DNAH3: variants seen among roughly 807,000 people sequenced by gnomAD.
The protein encoded by DNAH3 is axonemal beta dynein heavy chain 3.
A neutral mutation model predicts 432.5 loss-of-function variants in DNAH3; 332 were observed. The ratio of observed to expected loss-of-function variants is 0.77; its 90% CI spans 0.70 to 0.84. The LOEUF (loss-of-function observed/expected upper bound fraction) is 0.84. DNAH3 is among the 40% of genes least tolerant of loss of function. DNAH3 has a pLI of 0.00. For synonymous variants in DNAH3, 1,956 were observed against 1,900.2 expected (o/e 1.03, Z -0.76); for missense variants, 4,861 against 5,114.0 (o/e 0.95, Z 1.51).
intron 58 of DNAH3, among the ~76,000 whole-genome samples, 198 bp from the exon 59 acceptor site, chr16:20,941,741 C>T (rs1247879674): frequency 6.6e-6 from 1 of 152,150 alleles, no homozygotes; most frequent in African/African-American, 2.4e-5. Flanking sequence ...GGGAGGGCAT[C>T]GCCTCTTGGT....
intron 41 of DNAH3, among the ~76,000 whole-genome samples, chr16:21,006,256 A>G (rs532184340): frequency 9.2e-4 from 140 of 152,228 alleles, no homozygotes; most frequent in African/African-American, 3.2e-3. Flanking sequence ...TAATGGCATT[A>G]TTTTATTCCC....
chr16:20,978,909 C>T (rs1165534555), intron 50 of DNAH3, among the ~76,000 whole-genome samples: 1 of 151,930 alleles, frequency 6.6e-6, no homozygotes, highest in East Asian at 1.9e-4. Context: ...CCTGGCTCTA[C>T]AGCTGGTATG....
Position 21,098,574 on chromosome 16 carries a change from G to A in DNAH3, c.2520+42C>T, listed in dbSNP as rs1567787428. 1.9e-6 allele frequency: 3 copies of A among 1,580,894 alleles called. No individual in the cohort carries two copies. In the African/African-American group the frequency reaches 4.1e-5, roughly 22 times the overall value. ...TCACAACCAAGGATCAGAACCAATA[G>A]ACCAGTACAGTGTCATAAGTCCCCA... On this transcript the variant is annotated intron_variant, in intron 17 of 61. Transcript: ENST00000261383.
chr16:21,059,423 G>A (rs1305995266), intron 26 of DNAH3, among the ~76,000 whole-genome samples: 3 of 152,206 alleles, frequency 2.0e-5, no homozygotes, highest in Non-Finnish European at 4.4e-5. Context: ...GGACTTTAGT[G>A]TGAGGGTGTT....
intron 7 of DNAH3, 31 bp downstream of exon 8, chr16:21,134,228 G>T (rs1291978091): frequency 6.3e-7 from 1 of 1,594,278 alleles, no homozygotes; most frequent in East Asian, 2.2e-5. Flanking sequence ...GTCAAGAAAG[G>T]GAATGAAAAA....
intron 9 of DNAH3, among the ~76,000 whole-genome samples, chr16:21,124,437 G>A (rs1348821643): frequency 6.6e-6 from 1 of 152,038 alleles, no homozygotes; most frequent in African/African-American, 2.4e-5. Context: ...ATTATCTCAA[G>A]AAAGTTTGCC....
At chr16:20,971,221 C>G (rs780982889) in intron 51 of DNAH3, among the ~76,000 whole-genome samples, 6 of 151,580 alleles carry the variant, frequency 4.0e-5, no homozygotes, top group Non-Finnish European at 7.4e-5. Context: ...TGGTAAAGAG[C>G]AGGGAACTAA....
In DNAH3 at chr16:21,097,506, G is replaced by A. The variant is rs768616385; in HGVS notation, c.2521-7C>T. 6.2e-7 allele frequency: 1 copy of A among 1,612,398 alleles called. No homozygotes were observed. The highest frequency in any genetic ancestry group is 1.1e-5 in the South Asian group (1 of 91,068). Reference sequence around the variant, plus strand: ...CTTCCTCCTTATTGATCAACTGCAGGGCAAAAGGAGATGCTGTTTATGGGA... The same window carrying A: ...CTTCCTCCTTATTGATCAACTGCAGAGCAAAAGGAGATGCTGTTTATGGGA... On this transcript the variant is annotated splice_polypyrimidine_tract_variant and splice_region_variant and intron_variant, in intron 17 of 61. Transcript: ENST00000261383.
At chr16:20,948,134 A>G (rs1483275300) in intron 57 of DNAH3, among the ~76,000 whole-genome samples, 1 of 152,068 alleles carries the variant, frequency 6.6e-6, no homozygotes, top group Non-Finnish European at 1.5e-5. Context: ...TTCCCTGCCC[A>G]GTTTTTCTGT....
chr16:21,130,350 A>G (rs2092534417), intron 7 of DNAH3, among the ~76,000 whole-genome samples: 1 of 145,162 alleles, frequency 6.9e-6, no homozygotes, highest in East Asian at 2.0e-4. Flanking sequence ...TCTGTCACCC[A>G]GGCTGGAGTG....
chr16:21,058,065 C>T (rs1567714761), intron 27 of DNAH3, 21 bp downstream of exon 27: 9 of 1,355,228 alleles, frequency 6.6e-6, no homozygotes, highest in Non-Finnish European at 8.5e-6. Context: ...TCTTCTGTAA[C>T]TTTGCAGCAA....
intron 52 of DNAH3, among the ~76,000 whole-genome samples, chr16:20,969,214 G>C (rs895184314): frequency 6.6e-6 from 1 of 151,110 alleles, no homozygotes; most frequent in East Asian, 1.9e-4. Context: ...ATGCATGTCT[G>C]CAAGTGTGTT....
Position 20,985,758 on chromosome 16 carries a change from C to T in DNAH3, c.7027-43G>A, listed in dbSNP as rs1412186439. 8 of 1,585,556 alleles carry T rather than the reference C, an allele frequency of 5.0e-6. No homozygotes were observed. The Admixed American group carries it at 6.8e-5, about 14-fold the overall frequency. On this transcript the variant is annotated intron_variant, in intron 47 of 61. Coordinates refer to ENST00000261383, the Ensembl canonical transcript of DNAH3. Reference sequence around the variant, plus strand: ...CTCGGCGGGGCATTCAGTGAATGGCCCAGCCAGGCTGGTAGGGACATCATG... The same window carrying T: ...CTCGGCGGGGCATTCAGTGAATGGCTCAGCCAGGCTGGTAGGGACATCATG...
At chr16:21,030,048 A>G (rs2088795314) in intron 37 of DNAH3, among the ~76,000 whole-genome samples, 1 of 151,180 alleles carries the variant, frequency 6.6e-6, no homozygotes, top group African/African-American at 2.4e-5. Context: ...CTGGTCTTGA[A>G]CTCCTGGGCT....
At chr16:20,989,827 C>A (rs560576678) in intron 44 of DNAH3, among the ~76,000 whole-genome samples, 1 of 152,216 alleles carries the variant, frequency 6.6e-6, no homozygotes, top group Non-Finnish European at 1.5e-5. Context: ...TCGAGCGCAG[C>A]ACCGGTGGGC....
In DNAH3 at chr16:21,100,508, C is replaced by T. The variant is rs540791463; in HGVS notation, c.2367-1739G>A. 3.9e-5 allele frequency among the ~76,000 whole-genome samples: 6 copies of T among 152,344 alleles called. No homozygotes were observed. In the South Asian group the frequency reaches 1.0e-3, roughly 26 times the overall value. On this transcript the variant is annotated intron_variant, in intron 16 of 61. Transcript: ENST00000261383. Reference sequence around the variant, plus strand: ...CACTCATTAAAATGGTGAACATCCACTATAAGCAAGGAACCGTGTTCTATC... The same window carrying T: ...CACTCATTAAAATGGTGAACATCCATTATAAGCAAGGAACCGTGTTCTATC...
intron 37 of DNAH3, among the ~76,000 whole-genome samples, chr16:21,029,716 T>G (rs2088775319): frequency 6.6e-6 from 1 of 152,208 alleles, no homozygotes; most frequent in Non-Finnish European, 1.5e-5. Flanking sequence ...ATTGGTGGTA[T>G]TTTTGCAAAG....
chr16:21,140,903 G>C (rs1027522461), intron 4 of DNAH3, among the ~76,000 whole-genome samples, 193 bp from the exon 6 acceptor site: 5 of 152,092 alleles, frequency 3.3e-5, no homozygotes, highest in African/African-American at 1.2e-4. Context: ...TTTTAGCATG[G>C]TTTTGTTCAG....
intron 22 of DNAH3, among the ~76,000 whole-genome samples, chr16:21,069,885 A>C (rs1045641366): frequency 6.6e-6 from 1 of 152,250 alleles, no homozygotes. Flanking sequence ...GAGTGCTTTA[A>C]GTATATGGAA....
Sources: gnomAD v4.1 joint callset for allele counts (sites outside exome capture counted in the v4.1 genomes callset) on GRCh38, gnomAD v4.1.1 for gene constraint, MANE v1.5 for transcripts, NCBI Gene and HGNC (gene_info 2026-07-23, HGNC 2026-07-21) for gene names.